The following RPTOR variants were observed in gnomAD, a reference collection of about 807,000 sequenced individuals.
RPTOR encodes the protein regulatory-associated protein of mTOR.
A neutral mutation model predicts 169.9 loss-of-function variants in RPTOR; 21 were observed. That is an observed-to-expected ratio of 0.12 (90% CI 0.09 to 0.18). The LOEUF (loss-of-function observed/expected upper bound fraction) is 0.18. RPTOR is among the 10% of genes least tolerant of loss of function. RPTOR has a pLI of 1.00. For missense variants in RPTOR, 1,133 were observed against 1,855.9 expected, an observed-to-expected ratio of 0.61 and a Z score of 7.16; for synonymous variants, 732 against 753.2, an observed-to-expected ratio of 0.97 and a Z score of 0.46.
intron 1 of RPTOR, among the ~76,000 whole-genome samples, chr17:80,557,538 A>AATC (rs1555713365): frequency 6.6e-6 from 1 of 151,690 alleles, no homozygotes; most frequent in Admixed American, 6.6e-5. Flanking sequence ...ATAACTCAAT[A>AATC]AATCAATAAA....
At chr17:80,548,374 T>G (rs1420160902) in intron 1 of RPTOR, among the ~76,000 whole-genome samples, 1 of 58,340 alleles carries the variant, frequency 1.7e-5, no homozygotes, top group African/African-American at 4.4e-5. Flanking sequence ...TGGGGTGGTT[T>G]TTTTTTTTTT....
chr17:80,579,225 C>T (rs1399730313), intron 1 of RPTOR, among the ~76,000 whole-genome samples: 2 of 152,156 alleles, frequency 1.3e-5, no homozygotes, highest in East Asian at 3.9e-4. Context: ...TGGAGTTTCG[C>T]TCTTGTTGCC....
chr17:80,768,023 C>T (rs373578367), intron 6 of RPTOR, among the ~76,000 whole-genome samples: 5 of 152,132 alleles, frequency 3.3e-5, no homozygotes, highest in Middle Eastern at 3.2e-3. Context: ...AACACCATGC[C>T]TGGCTAATTT....
intron 7 of RPTOR, among the ~76,000 whole-genome samples, chr17:80,795,682 T>C (rs542758366): frequency 9.9e-5 from 15 of 152,144 alleles, no homozygotes; most frequent in African/African-American, 3.6e-4. Flanking sequence ...AATATGGACG[T>C]TGGAGTCCGA....
chr17:80,898,998 T>C (rs966832092), intron 20 of RPTOR, among the ~76,000 whole-genome samples: 1 of 151,974 alleles, frequency 6.6e-6, no homozygotes, highest in Non-Finnish European at 1.5e-5. Flanking sequence ...CACCTCTGGA[T>C]AGAACGAGTC....
At chr17:80,892,699 T>C (rs1362472893) in intron 18 of RPTOR, 30 bp from the exon 19 acceptor site, 2 of 1,605,846 alleles carry the variant, frequency 1.2e-6, no homozygotes, top group Non-Finnish European at 1.7e-6. Context: ...TGGAAGCCCA[T>C]TGTAATTTGT....
chr17:80,786,329 TG>T (rs1353734192), intron 6 of RPTOR, among the ~76,000 whole-genome samples: 1 of 152,190 alleles, frequency 6.6e-6, no homozygotes, highest in African/African-American at 2.4e-5. Flanking sequence ...TAAATACATG[TG>T]GGTTTTTTTT....
At chr17:80,832,036 G>A (rs780292696) in intron 9 of RPTOR, among the ~76,000 whole-genome samples, 1 of 152,242 alleles carries the variant, frequency 6.6e-6, no homozygotes, top group African/African-American at 2.4e-5. Context: ...AGATGTTGGT[G>A]CCTGGCTATA....
rs566650353 is a variant in RPTOR, at chr17:80,850,591, G to A, written c.1314+4017G>A. Among the ~76,000 whole-genome samples, 3 of 152,318 alleles carry A rather than the reference G, an allele frequency of 2.0e-5. No homozygotes were observed. The South Asian group carries it at 6.2e-4, about 32-fold the overall frequency. On this transcript the variant is annotated intron_variant, in intron 11 of 33. Coordinates refer to ENST00000306801, the MANE Select transcript of RPTOR (RefSeq NM_020761.3). ...CACCTGGCCAAGAGTGATTTTATAG[G>A]ATGAAGTTTTAGTCCCTTTTCCTAG... is the stretch of plus-strand genomic sequence containing the variant.
intron 7 of RPTOR, among the ~76,000 whole-genome samples, chr17:80,799,404 CAT>C (rs1042208429): frequency 4.7e-4 from 71 of 152,222 alleles, no homozygotes; most frequent in African/African-American, 1.6e-3. Context: ...AGTACCTGCG[CAT>C]ACACTAGCTG....
chr17:80,580,907 C>G (rs1284723185), intron 1 of RPTOR, among the ~76,000 whole-genome samples: 1 of 152,178 alleles, frequency 6.6e-6, no homozygotes, highest in Non-Finnish European at 1.5e-5. Flanking sequence ...GGGTTGCAGG[C>G]ATGAGCCACC....
intron 2 of RPTOR, among the ~76,000 whole-genome samples, chr17:80,626,532 T>C (rs1253575321): frequency 6.6e-6 from 1 of 152,098 alleles, no homozygotes; most frequent in Non-Finnish European, 1.5e-5. Flanking sequence ...CATCATTTGC[T>C]GAATGCTTGT....
Position 80,651,756 on chromosome 17 carries a change from G to T in RPTOR, c.348+7946G>T, listed in dbSNP as rs187502110. Among the ~76,000 whole-genome samples, 1 of 152,078 alleles carries T rather than the reference G, an allele frequency of 6.6e-6. No homozygotes were observed. Among genetic ancestry groups the T allele is most frequent in the Admixed American group, 6.5e-5 (1 of 15,274 alleles). ...AAAATGGCCAGGCACGGTGGCTCAC[G>T]CCTGTAATCCCAGCACTTTGGGAGG... On this transcript the variant is annotated intron_variant, in intron 3 of 33. Coordinates refer to ENST00000306801, the MANE Select transcript of RPTOR (RefSeq NM_020761.3). This position sits in a 1 kb window ranked among gnomAD's most constrained non-coding sequence, Gnocchi z 4.1.
At chr17:80,710,557 C>A (rs1306797924) in intron 4 of RPTOR, among the ~76,000 whole-genome samples, 1 of 138,358 alleles carries the variant, frequency 7.2e-6, no homozygotes, top group East Asian at 2.2e-4. Context: ...GATTTGCCTC[C>A]CTTGGTTATT....
chr17:80,616,541 C>T (rs1183849424), intron 1 of RPTOR, among the ~76,000 whole-genome samples: 1 of 152,166 alleles, frequency 6.6e-6, no homozygotes, highest in East Asian at 1.9e-4. Flanking sequence ...TCGTGATCTG[C>T]CTGCTTCGGC....
intron 12 of RPTOR, among the ~76,000 whole-genome samples, chr17:80,857,227 C>T (rs115663028): frequency 2.3e-3 from 348 of 152,336 alleles, no homozygotes; most frequent in African/African-American, 8.2e-3. Flanking sequence ...CAGAACTGGG[C>T]GCCAGTGAGC....
At chr17:80,876,998 G>A (rs1156412297) in intron 13 of RPTOR, among the ~76,000 whole-genome samples, 1 of 146,774 alleles carries the variant, frequency 6.8e-6, no homozygotes, top group Non-Finnish European at 1.5e-5. Flanking sequence ...TGCCATGCAG[G>A]GTGTGTGTGT....
At chr17:80,798,701 G>T (rs541553612) in intron 7 of RPTOR, among the ~76,000 whole-genome samples, 20 of 152,254 alleles carry the variant, frequency 1.3e-4, no homozygotes, top group Admixed American at 5.2e-4. Flanking sequence ...CTGAGCCAAG[G>T]GGGGGCCAAG....
chr17:80,962,607 C>T lies in RPTOR; in HGVS notation c.3809+30C>T, dbSNP rs535086116. ...GCGCCACCCACCTCCCTGGCCTGCACCGCTCACCCGCCTCGGGCCTCTGTG... is the reference window on the plus strand; with the variant it reads ...GCGCCACCCACCTCCCTGGCCTGCATCGCTCACCCGCCTCGGGCCTCTGTG... On this transcript the variant is annotated intron_variant, in intron 32 of 33. Transcript: ENST00000306801. 5 of 1,570,140 alleles carry T rather than the reference C, an allele frequency of 3.2e-6. No homozygotes were observed. The South Asian group carries it at 5.6e-5, about 17-fold the overall frequency.
Sources: gnomAD v4.1 joint callset for allele counts (sites outside exome capture counted in the v4.1 genomes callset) on GRCh38, gnomAD v4.1.1 for gene constraint, Gnocchi (gnomAD v3.1) non-coding constraint, MANE v1.5 for transcripts, NCBI Gene and HGNC (gene_info 2026-07-23, HGNC 2026-07-21) for gene names.